The following RBFOX3 variants were observed in gnomAD, a reference collection of about 807,000 sequenced individuals.
RBFOX3 encodes RNA binding protein fox-1 homolog 3.
RBFOX3 carries 17 observed loss-of-function variants against 48.7 expected under a neutral mutation model. The observed-to-expected ratio is 0.35, with a 90% confidence interval of 0.24 to 0.52. The LOEUF (loss-of-function observed/expected upper bound fraction) is 0.52, where lower values mean the gene tolerates loss of function less well. Ranked by LOEUF, RBFOX3 falls within the 20% of genes least tolerant of loss-of-function variation. RBFOX3 has a pLI of 0.94. For synonymous variants in RBFOX3, 212 were observed against 209.5 expected, an observed-to-expected ratio of 1.01 and a Z score of -0.10; for missense variants, 382 against 497.5, an observed-to-expected ratio of 0.77 and a Z score of 2.21.
chr17:79,519,913 C>T (rs1034936605), intron 1 of RBFOX3, among the ~76,000 whole-genome samples: 18 of 152,316 alleles, frequency 1.2e-4, no homozygotes, highest in African/African-American at 3.8e-4. Context: ...CCTGCCTCTG[C>T]GCTGCTCCCC....
intron 1 of RBFOX3, among the ~76,000 whole-genome samples, chr17:79,557,014 A>T (rs2091810581): frequency 6.6e-6 from 1 of 152,002 alleles, no homozygotes; most frequent in Admixed American, 6.6e-5. Flanking sequence ...GAGGCCGAGG[A>T]TGGTGGATCA....
chr17:79,205,776 T>C lies in RBFOX3; in HGVS notation c.-34+29990A>G, dbSNP rs1400691380. 6.6e-6 allele frequency among the ~76,000 whole-genome samples: 1 copy of C among 151,918 alleles called. No individual in the cohort carries two copies. The highest frequency in any genetic ancestry group is 1.9e-4 in the East Asian group (1 of 5,186). The stretch of plus-strand genomic sequence containing the variant: ...GACAGAGCCTCTATTACTTGGTATA[T>C]GGTGATTGATATGGAAAATGTATTT... On this transcript the variant is annotated intron_variant, in intron 4 of 14. Transcript: ENST00000693108. The surrounding 1 kb of genome is among the most constrained non-coding windows in gnomAD (Gnocchi z 4.5).
chr17:79,358,438 C>T (rs571689955), intron 2 of RBFOX3, among the ~76,000 whole-genome samples: 3 of 152,200 alleles, frequency 2.0e-5, no homozygotes, highest in East Asian at 1.9e-4. Context: ...CTCAAGTCTA[C>T]ACTTCCTCTC....
the RBFOX3 span, among the ~76,000 whole-genome samples, chr17:79,651,105 T>C: frequency 6.6e-6 from 1 of 152,168 alleles, no homozygotes; most frequent in Non-Finnish European, 1.5e-5. Flanking sequence ...CACTGCAGGA[T>C]TGAGTCACCA....
At position 79,095,499 on chromosome 17, in the gene RBFOX3, G is replaced by C; in HGVS notation, c.998+14C>G. ...CCCACCCTGCTCCAGAACAGTGCTG[G>C]CCCCCGGCCTCACCTGTCGCTGTAG... On this transcript the variant is annotated intron_variant, in intron 13 of 14. Transcript: ENST00000693108. 1 of 1,550,198 alleles carries C rather than the reference G, an allele frequency of 6.5e-7. No individual in the cohort carries two copies. The highest frequency in any genetic ancestry group is 8.7e-7 in the Non-Finnish European group (1 of 1,145,868).
intron 4 of RBFOX3, among the ~76,000 whole-genome samples, chr17:79,125,708 G>A (rs1055534306): frequency 3.3e-5 from 5 of 152,244 alleles, no homozygotes; most frequent in Admixed American, 6.5e-5. Context: ...GCCTTCAGAC[G>A]GCTCCCGCCT....
intron 3 of RBFOX3, among the ~76,000 whole-genome samples, chr17:79,282,479 T>G (rs1004544091): frequency 6.6e-6 from 1 of 152,026 alleles, no homozygotes; most frequent in Admixed American, 6.5e-5. Context: ...GTACCCAGCC[T>G]GAACTGCTGG....
chr17:79,625,776 G>C, the RBFOX3 span, among the ~76,000 whole-genome samples: 1 of 152,198 alleles, frequency 6.6e-6, no homozygotes, highest in Admixed American at 6.5e-5. Context: ...TGAGCAACAA[G>C]AGCAAAACTC....
chr17:79,501,160 G>A (rs1322078059), intron 1 of RBFOX3, among the ~76,000 whole-genome samples: 1 of 152,154 alleles, frequency 6.6e-6, no homozygotes, highest in African/African-American at 2.4e-5. Context: ...AACTAAAATT[G>A]GGTCAAACCC....
chr17:79,552,655 G>T (rs1316561173), intron 1 of RBFOX3, among the ~76,000 whole-genome samples: 1 of 152,152 alleles, frequency 6.6e-6, no homozygotes, highest in African/African-American at 2.4e-5. Context: ...AGAAATATTT[G>T]CTGACTTTAA....
At chr17:79,101,744 C>CT (rs2076477652) in intron 8 of RBFOX3, 100 bp from the exon 9 acceptor site, 1 of 1,071,414 alleles carries the variant, frequency 9.3e-7, no homozygotes, top group South Asian at 1.3e-5. Flanking sequence ...CCCCCGGCAC[C>CT]CCCCGCCCCA....
intron 2 of RBFOX3, among the ~76,000 whole-genome samples, chr17:79,337,357 C>T (rs2081352350): frequency 6.6e-6 from 1 of 152,226 alleles, no homozygotes; most frequent in Non-Finnish European, 1.5e-5. Context: ...TCTCTCAAAG[C>T]CCACGCACAG....
chr17:79,635,626 G>GA, the RBFOX3 span, among the ~76,000 whole-genome samples: 3,230 of 152,164 alleles, frequency 0.021, 97 homozygotes, highest in African/African-American at 0.062. Flanking sequence ...TTCTGTACTG[G>GA]AAAAAATAGA....
chr17:79,611,174 C>CTCTCTCTCTCTCTCTCTCTCTCT, upstream of RBFOX3, among the ~76,000 whole-genome samples: 1 of 16,438 alleles, frequency 6.1e-5, no homozygotes, highest in African/African-American at 2.7e-4. Context: ...CTCTCTCTCT[C>CTCTCTCTCTCTCTCTCTCTCTCT]CGCCCTCCTT....
intron 4 of RBFOX3, among the ~76,000 whole-genome samples, chr17:79,186,344 G>A (rs1333691237): frequency 2.0e-5 from 3 of 152,406 alleles, no homozygotes; most frequent in East Asian, 1.9e-4. Context: ...GCTTCAGCAC[G>A]AGCCAGTTAG....
chr17:79,101,066 C>G (rs749361599), intron 9 of RBFOX3, among the ~76,000 whole-genome samples: 1 of 152,146 alleles, frequency 6.6e-6, no homozygotes, highest in African/African-American at 2.4e-5. Context: ...CATTTGTCAT[C>G]GAACAGCTCT....
chr17:79,574,627 A>C (rs1485762055), intron 1 of RBFOX3, among the ~76,000 whole-genome samples: 1 of 152,242 alleles, frequency 6.6e-6, no homozygotes, highest in African/African-American at 2.4e-5. Context: ...TTTAGCATGT[A>C]ATCAAGAAGT....
chr17:79,544,742 G>A (rs1431000377), intron 1 of RBFOX3, among the ~76,000 whole-genome samples: 17 of 151,688 alleles, frequency 1.1e-4, no homozygotes, highest in African/African-American at 3.2e-4. Context: ...CCGCCTCCTC[G>A]AAGCTCTTAC....
chr17:79,533,258 C>A (rs141033886), intron 1 of RBFOX3, among the ~76,000 whole-genome samples: 36 of 152,212 alleles, frequency 2.4e-4, no homozygotes, highest in Non-Finnish European at 1.5e-5. Flanking sequence ...GGACAAGCTG[C>A]GCTCTTTGTC....
Sources: gnomAD v4.1 joint callset for allele counts (sites outside exome capture counted in the v4.1 genomes callset) on GRCh38, gnomAD v4.1.1 for gene constraint, Gnocchi (gnomAD v3.1) non-coding constraint, MANE v1.5 for transcripts, NCBI Gene and HGNC (gene_info 2026-07-23, HGNC 2026-07-21) for gene names.